GON4L: variants seen among roughly 807,000 people sequenced by gnomAD.
The protein encoded by GON4L is gon-4 like.
In GON4L, 87 loss-of-function variants were observed where a neutral mutation model predicts 211.8. The ratio of observed to expected loss-of-function variants is 0.41; its 90% confidence interval spans 0.35 to 0.49. The LOEUF is 0.49. Among genes scored for constraint, GON4L ranks in the 20% least tolerant of loss-of-function variants. The pLI, the probability that GON4L is intolerant of heterozygous loss-of-function variation, is 0.15. For synonymous variants in GON4L, 875 were observed against 962.6 expected (o/e 0.91, Z 1.68); for missense variants, 2,155 against 2,659.5 (o/e 0.81, Z 4.17).
chr1:155,766,342 T>C lies in GON4L; in HGVS notation c.3131A>G (p.Gln1044Arg), dbSNP rs757493624. 1 of 1,614,056 alleles carries C rather than the reference T, an allele frequency of 6.2e-7. No individual in the cohort carries two copies. The highest frequency in any genetic ancestry group is 8.5e-7 in the Non-Finnish European group (1 of 1,180,002). The change falls in exon 21 of 32, where the codon CAG (glutamine) becomes CGG (arginine). Residue 1044 changes from glutamine to arginine, a missense_variant. Transcript: ENST00000368331. ...AACTGTCTGTAAAACAGTGGCTGGC[T>C]GTATTGGGTGAGGAATCCGGAGCAC... is the stretch of plus-strand genomic sequence containing the variant. ...KMVLRIPHPI[Q>R]PATVLQTVPG...
chr1:155,749,570 C>G (rs1230520182), downstream of GON4L: 2 of 1,424,410 alleles, frequency 1.4e-6, no homozygotes, highest in Non-Finnish European at 1.9e-6. Context: ...CTCCTTACCC[C>G]CACCTCTTCT....
At position 155,800,230 on chromosome 1, in the gene GON4L, A is replaced by C. The variant is rs558666210; in HGVS notation, c.1645+4719T>G. ...CAAAACAAAACAAAACAAAACAAAAAACACAGCTCATTATGAAAAGTCATA... is the reference window on the plus strand; with the variant it reads ...CAAAACAAAACAAAACAAAACAAAACACACAGCTCATTATGAAAAGTCATA... On this transcript the variant is annotated intron_variant, in intron 11 of 31. Transcript: ENST00000368331. Among the ~76,000 whole-genome samples the C allele has an allele frequency of 3.3e-5, 5 of 150,334 alleles. No homozygotes were observed. The South Asian group carries it at 1.0e-3, about 31-fold the overall frequency.
At chr1:155,773,672 C>G (rs1663454058) in intron 17 of GON4L, among the ~76,000 whole-genome samples, 1 of 152,152 alleles carries the variant, frequency 6.6e-6, no homozygotes, top group African/African-American at 2.4e-5. Context: ...CTTAAGTTCT[C>G]CCAGATTCCT....
chr1:155,758,831 A>G (rs543357272), intron 24 of GON4L, among the ~76,000 whole-genome samples: 2 of 152,320 alleles, frequency 1.3e-5, no homozygotes, highest in South Asian at 4.1e-4. Flanking sequence ...GTAAGCAGAG[A>G]TCACACCACT....
chr1:155,787,224 C>T (rs1380959604), intron 12 of GON4L, among the ~76,000 whole-genome samples: 1 of 151,994 alleles, frequency 6.6e-6, no homozygotes, highest in African/African-American at 2.4e-5. Flanking sequence ...TTTTAAAGAT[C>T]AGTTTATTAA....
chr1:155,790,950 A>T lies in GON4L; in HGVS notation c.1747+4100T>A, dbSNP rs550953051. 1.9e-4 allele frequency among the ~76,000 whole-genome samples: 29 copies of T among 149,660 alleles called. 1 individual carries two copies. Among genetic ancestry groups the T allele is most frequent in the Non-Finnish European group, 3.9e-4 (26 of 67,528 alleles). On this transcript the variant is annotated intron_variant, in intron 12 of 31. Coordinates refer to ENST00000368331, the MANE Select transcript of GON4L (RefSeq NM_001282860.2). ...AGAGCGAGACTCCTTCTCAAAAAAAAACCAACAAACTATAGAAAGTAGGTG... is the reference window on the plus strand; with the variant it reads ...AGAGCGAGACTCCTTCTCAAAAAAATACCAACAAACTATAGAAAGTAGGTG...
Position 155,752,104 on chromosome 1 carries a change from G to C in GON4L, c.6329C>G (p.Ala2110Gly). The C allele has an allele frequency of 1.2e-6, 2 of 1,613,648 alleles. No individual in the cohort carries two copies. Among genetic ancestry groups the C allele is most frequent in the Non-Finnish European group, 8.5e-7 (1 of 1,179,646 alleles). ...GTCTTTAGCCAAACCCCCTCTAGGGGCTTTGGGAGAAGTCTCTGAGGTGTC... is the reference window on the plus strand; with the variant it reads ...GTCTTTAGCCAAACCCCCTCTAGGGCCTTTGGGAGAAGTCTCTGAGGTGTC... Reference protein sequence around the residue: ...GIDTSETSPKAPRGGLAKDSG... With the variant: ...GIDTSETSPKGPRGGLAKDSG... Residue 2110 changes from alanine (A) to glycine (G), a missense_variant, in exon 30 of 32, where the codon GCC becomes GGC. By Grantham distance (60) the Ala-to-Gly change is moderately conservative. Transcript: ENST00000368331.
chr1:155,788,806 A>C (rs1665211713), intron 12 of GON4L, among the ~76,000 whole-genome samples: 1 of 152,078 alleles, frequency 6.6e-6, no homozygotes, highest in African/African-American at 2.4e-5. Context: ...TTAAGAAAAA[A>C]AAAGCCGGGC....
chr1:155,747,811 C>T (rs764216360), downstream of GON4L: 84 of 1,609,908 alleles, frequency 5.2e-5, no homozygotes, highest in Middle Eastern at 3.3e-4. Context: ...GGGGTAGGCG[C>T]GAAGGCGGCA....
intron 16 of GON4L, 25 bp from the exon 17 acceptor site, chr1:155,775,198 A>G: frequency 6.2e-7 from 1 of 1,614,178 alleles, no homozygotes; most frequent in Non-Finnish European, 8.5e-7. Context: ...CACAAGAAAG[A>G]TTTAAGACAA....
intron 2 of GON4L, among the ~76,000 whole-genome samples, chr1:155,827,450 G>A (rs554963416): frequency 6.6e-6 from 1 of 152,278 alleles, no homozygotes; most frequent in Non-Finnish European, 1.5e-5. Context: ...TGGTTCTACA[G>A]TTCATTAGAC....
chr1:155,770,988 TTTTC>T, intron 19 of GON4L, 75 bp downstream of exon 19: 4 of 1,597,538 alleles, frequency 2.5e-6, no homozygotes, highest in Non-Finnish European at 2.6e-6. Flanking sequence ...AAGGTTCCTC[TTTTC>T]TTTGAGAATA....
chr1:155,785,519 A>T, intron 12 of GON4L, 145 bp from the exon 13 acceptor site: 1 of 708,208 alleles, frequency 1.4e-6, no homozygotes, highest in Non-Finnish European at 2.6e-6. Flanking sequence ...GGGTCTCACT[A>T]TGTCACTCAG....
At chr1:155,854,053 C>T (rs1039223102) in intron 1 of GON4L, among the ~76,000 whole-genome samples, 2 of 152,106 alleles carry the variant, frequency 1.3e-5, no homozygotes, top group Non-Finnish European at 2.9e-5. Context: ...GTCTTCAGTA[C>T]CCTCAACAGT....
intron 2 of GON4L, among the ~76,000 whole-genome samples, chr1:155,829,435 G>A (rs1190878017): frequency 2.6e-5 from 4 of 151,928 alleles, no homozygotes; most frequent in Non-Finnish European, 5.9e-5. Flanking sequence ...GTAAAACCTC[G>A]TCTCTACTAA....
chr1:155,782,118 T>C (rs889986253), intron 14 of GON4L, among the ~76,000 whole-genome samples: 2 of 152,008 alleles, frequency 1.3e-5, no homozygotes, highest in African/African-American at 4.8e-5. Flanking sequence ...ATAACTCACT[T>C]TCCCAGGGTT....
At chr1:155,830,279 AT>A (rs879738389) in intron 2 of GON4L, among the ~76,000 whole-genome samples, 36 of 140,584 alleles carry the variant, frequency 2.6e-4, no homozygotes, top group East Asian at 1.3e-3. Context: ...AGCAGTTCCA[AT>A]TTTTTTTTTT....
At position 155,829,238 on chromosome 1, in the gene GON4L, T is replaced by TC. The variant is rs1177511811; in HGVS notation, c.506-2211dup. Among the ~76,000 whole-genome samples the TC allele has an allele frequency of 2.0e-5, 3 of 152,194 alleles. 1 individual carries two copies. Among genetic ancestry groups the TC allele is most frequent in the South Asian group, 4.1e-4 (2 of 4,832 alleles). ...CTAATTTCCACTTATGCTTCTCCTT[T>TC]CTTTGCCTCCTAAAAGTGAGTAGCA... On this transcript the variant is annotated intron_variant, in intron 2 of 31. Transcript: ENST00000368331.
At chr1:155,748,898 A>C (rs1660356846), downstream of GON4L, 4 of 1,063,036 alleles carry the variant, frequency 3.8e-6, no homozygotes, top group East Asian at 2.5e-5. Context: ...CCCCTTAAAA[A>C]GGATAAAAAG....
Sources: gnomAD v4.1 joint callset for allele counts (sites outside exome capture counted in the v4.1 genomes callset) on GRCh38, gnomAD v4.1.1 for gene constraint, MANE v1.5 for transcripts, NCBI Gene and HGNC (gene_info 2026-07-23, HGNC 2026-07-21) for gene names.